SLC17A1: variants seen among roughly 807,000 people sequenced by gnomAD.
SLC17A1 encodes sodium-dependent phosphate transport protein 1.
SLC17A1 carries 51 observed loss-of-function variants against 53.5 expected under a neutral mutation model. The ratio of observed to expected loss-of-function variants is 0.95; its 90% CI spans 0.76 to 1.20. SLC17A1 has a LOEUF of 1.20. Ranked by LOEUF, SLC17A1 falls within the 50% of genes most tolerant of loss-of-function variation. The pLI is 0.00. For missense variants in SLC17A1, 538 were observed against 568.2 expected (o/e 0.95, Z 0.54); for synonymous variants, 179 against 198.8 (o/e 0.90, Z 0.84).
chr6:25,819,227 T>A, intron 5 of SLC17A1, 73 bp from the exon 6 acceptor site: 1 of 1,033,830 alleles, frequency 9.7e-7, no homozygotes, highest in Non-Finnish European at 1.4e-6. Flanking sequence ...AGCCTCACTG[T>A]AGCAATGAAC....
At chr6:25,769,570 A>C in the SLC17A1 span, among the ~76,000 whole-genome samples, 1 of 151,926 alleles carries the variant, frequency 6.6e-6, no homozygotes, top group Non-Finnish European at 1.5e-5. Context: ...AAAAAAAAAA[A>C]AGAAAGAAAG....
At chr6:25,747,716 C>T in the SLC17A1 span, among the ~76,000 whole-genome samples, 8 of 152,268 alleles carry the variant, frequency 5.3e-5, no homozygotes, top group East Asian at 1.5e-3. Flanking sequence ...TGTTGTTCAC[C>T]ACTAGAGGAT....
chr6:25,723,798 T>G, the SLC17A1 span, among the ~76,000 whole-genome samples: 2 of 151,978 alleles, frequency 1.3e-5, no homozygotes, highest in South Asian at 4.2e-4. Flanking sequence ...GGAAGGCTGT[T>G]GGGGGGGAAA....
At chr6:25,729,080 C>A in the SLC17A1 span, among the ~76,000 whole-genome samples, 1 of 152,156 alleles carries the variant, frequency 6.6e-6, no homozygotes, top group Non-Finnish European at 1.5e-5. Flanking sequence ...AATAACCTGT[C>A]GACTTTGTGA....
intron 3 of SLC17A1, among the ~76,000 whole-genome samples, chr6:25,824,825 G>C (rs917929624): frequency 9.9e-5 from 15 of 151,838 alleles, no homozygotes; most frequent in Admixed American, 6.6e-5. Context: ...CAGTTACCAA[G>C]TATGTATTTT....
At chr6:25,733,810 G>GTGTA in the SLC17A1 span, among the ~76,000 whole-genome samples, 1 of 110,982 alleles carries the variant, frequency 9.0e-6, no homozygotes, top group African/African-American at 3.4e-5. Flanking sequence ...GTGTGTATGT[G>GTGTA]TGTGTGTGTG....
chr6:25,731,516 C>A, the SLC17A1 span, among the ~76,000 whole-genome samples: 1 of 152,172 alleles, frequency 6.6e-6, no homozygotes, highest in Non-Finnish European at 1.5e-5. Flanking sequence ...AGAATATCCC[C>A]ATGAACCCAG....
chr6:25,776,095 A>G, the SLC17A1 span, among the ~76,000 whole-genome samples: 1 of 152,054 alleles, frequency 6.6e-6, no homozygotes, highest in African/African-American at 2.4e-5. Context: ...TCAATAGAGC[A>G]CCAGTAATAT....
the SLC17A1 span, chr6:25,726,995 A>AT: frequency 6.2e-7 from 1 of 1,614,232 alleles, no homozygotes; most frequent in Non-Finnish European, 8.5e-7. Context: ...AGGAAGGCAA[A>AT]AAGCGCAAGA....
the SLC17A1 span, chr6:25,732,005 A>T: frequency 6.4e-7 from 1 of 1,563,876 alleles, no homozygotes; most frequent in Non-Finnish European, 8.7e-7. Flanking sequence ...AAGAGATTCC[A>T]GTGTCCGCGT....
the SLC17A1 span, among the ~76,000 whole-genome samples, chr6:25,725,319 T>C: frequency 1.3e-5 from 2 of 152,214 alleles, no homozygotes; most frequent in South Asian, 2.1e-4. Flanking sequence ...TTTTGACATA[T>C]TTTACTTACA....
chr6:25,811,744 A>G lies in SLC17A1; in HGVS notation c.924T>C (p.Tyr308=). The G allele has an allele frequency of 2.5e-6, 4 of 1,613,772 alleles. No homozygotes were observed. Among genetic ancestry groups the G allele is most frequent in the Non-Finnish European group, 3.4e-6 (4 of 1,179,724 alleles). ...KENGFLSSLP[Y]LFAWICGNLA... Reference sequence around the variant, plus strand: ...GGTTACCACAGATCCAGGCAAACAAATAGGGAAGGGAAGACAAGAACCCAT... The same window carrying G: ...GGTTACCACAGATCCAGGCAAACAAGTAGGGAAGGGAAGACAAGAACCCAT... Residue 308 remains tyrosine (Y), a synonymous_variant, in exon 9 of 13, where the codon TAT becomes TAC. Coordinates refer to ENST00000244527, the MANE Select transcript of SLC17A1 (RefSeq NM_005074.5).
intron 12 of SLC17A1, among the ~76,000 whole-genome samples, chr6:25,785,425 T>G (rs1437606879): frequency 6.6e-6 from 1 of 152,082 alleles, no homozygotes; most frequent in African/African-American, 2.4e-5. Flanking sequence ...TACTTCTATA[T>G]GACAACAAAG....
chr6:25,733,920 T>C, the SLC17A1 span, among the ~76,000 whole-genome samples: 1 of 151,770 alleles, frequency 6.6e-6, no homozygotes, highest in South Asian at 2.1e-4. Context: ...GTTCCAGTGA[T>C]TCTCCTGCCT....
chr6:25,727,566 A>G, the SLC17A1 span, among the ~76,000 whole-genome samples: 4 of 142,936 alleles, frequency 2.8e-5, no homozygotes, highest in East Asian at 2.0e-4. Context: ...TAATTTTTGT[A>G]TTTTTAGTAG....
the SLC17A1 span, chr6:25,731,918 C>A: frequency 6.2e-7 from 1 of 1,602,024 alleles, no homozygotes; most frequent in Non-Finnish European, 8.5e-7. Context: ...TGTCATAATG[C>A]GCCAGGCGGG....
chr6:25,817,144 C>T (rs1764387037), intron 6 of SLC17A1, among the ~76,000 whole-genome samples: 1 of 149,916 alleles, frequency 6.7e-6, no homozygotes, highest in Non-Finnish European at 1.5e-5. Flanking sequence ...CCACTGTGCC[C>T]AGCTGGCCAG....
intron 3 of SLC17A1, among the ~76,000 whole-genome samples, chr6:25,824,303 A>G (rs1001123775): frequency 6.6e-6 from 1 of 151,972 alleles, no homozygotes; most frequent in Non-Finnish European, 1.5e-5. Context: ...ACCATTAGAA[A>G]AGAATAAATG....
At chr6:25,753,352 G>A in the SLC17A1 span, among the ~76,000 whole-genome samples, 3 of 152,140 alleles carry the variant, frequency 2.0e-5, no homozygotes, top group Non-Finnish European at 4.4e-5. Flanking sequence ...AGCACCTTCA[G>A]GAAGGTGAAT....
Sources: gnomAD v4.1 joint callset for allele counts (sites outside exome capture counted in the v4.1 genomes callset) on GRCh38, gnomAD v4.1.1 for gene constraint, MANE v1.5 for transcripts, NCBI Gene and HGNC (gene_info 2026-07-23, HGNC 2026-07-21) for gene names.